PSD3: variants seen among roughly 807,000 people sequenced by gnomAD.
The protein encoded by PSD3 is PH and SEC7 domain-containing protein 3.
PSD3 carries 49 observed loss-of-function variants against 105.5 expected under a neutral mutation model. The observed-to-expected ratio is 0.46, with a 90% CI of 0.37 to 0.59. PSD3 has a LOEUF of 0.59. Ranked by LOEUF, PSD3 falls within the 20% of genes least tolerant of loss-of-function variation. PSD3 has a pLI of 0.00. For synonymous variants in PSD3, 557 were observed against 457.8 expected, an observed-to-expected ratio of 1.22 and a Z score of -2.77; for missense variants, 1,561 against 1,263.8, an observed-to-expected ratio of 1.24 and a Z score of -3.57.
intron 4 of PSD3, among the ~76,000 whole-genome samples, chr8:18,805,719 T>C (rs1586069896): frequency 6.6e-6 from 1 of 152,294 alleles, no homozygotes; most frequent in South Asian, 2.1e-4. Flanking sequence ...TATATAACCT[T>C]AAAAAAATCA....
intron 11 of PSD3, among the ~76,000 whole-genome samples, chr8:18,604,809 C>A (rs1804697328): frequency 6.6e-6 from 1 of 152,182 alleles, no homozygotes; most frequent in Admixed American, 6.5e-5. Context: ...TCAAAGGGGC[C>A]TGGGTACAGC....
rs181167350 is a variant in PSD3 at position 18,529,869 on chromosome 8, C to G, written c.*5874G>C. On this transcript the variant is annotated 3_prime_UTR_variant, in exon 16 of 16. Transcript: ENST00000327040. ...AATAATTCTTAGAAGGAAATACTCT[C>G]GCAAAACTAAGACCCTGCCAATCAT... 6.6e-6 allele frequency: 1 copy of G among 152,448 alleles called. No individual in the cohort carries two copies. Among genetic ancestry groups the G allele is most frequent in the Non-Finnish European group, 1.5e-5 (1 of 68,046 alleles). 9.4% of individuals were successfully genotyped at this position (152,448 alleles called of 1,614,324 possible).
intron 1 of PSD3, among the ~76,000 whole-genome samples, chr8:18,952,019 T>C (rs73584647): frequency 0.2 from 30,293 of 152,076 alleles, 3,295 homozygotes; most frequent in African/African-American, 0.29. Context: ...GAAATGTTCC[T>C]TGCTACATAA....
intron 9 of PSD3, among the ~76,000 whole-genome samples, chr8:18,731,482 G>A (rs1397319818): frequency 6.6e-6 from 1 of 152,128 alleles, no homozygotes; most frequent in African/African-American, 2.4e-5. Flanking sequence ...TTACTGCCCT[G>A]TATCAAACAT....
intron 2 of PSD3, among the ~76,000 whole-genome samples, chr8:18,887,865 G>A (rs6993158): frequency 0.046 from 7,013 of 152,210 alleles, 198 homozygotes; most frequent in Middle Eastern, 0.085. Context: ...TATGTGCCAG[G>A]CACTATACTA....
chr8:18,863,450 T>A (rs769851143), intron 4 of PSD3, among the ~76,000 whole-genome samples: 2 of 152,160 alleles, frequency 1.3e-5, no homozygotes, highest in South Asian at 4.1e-4. Context: ...GGGGAGGGGA[T>A]GCTCCTCTTT....
intron 2 of PSD3, among the ~76,000 whole-genome samples, chr8:18,921,186 G>C (rs1346968241): frequency 2.6e-5 from 4 of 152,118 alleles, no homozygotes; most frequent in African/African-American, 9.7e-5. Flanking sequence ...CTCACTATTA[G>C]TATTCAATTG....
rs777942368 is a variant in PSD3, at chr8:18,535,964, G to A, written c.2929-6C>T. 6.2e-7 allele frequency: 1 copy of A among 1,612,616 alleles called. No individual in the cohort carries two copies. Among genetic ancestry groups the A allele is most frequent in the South Asian group, 1.1e-5 (1 of 91,062 alleles). The stretch of plus-strand genomic sequence containing the variant: ...TACATTTCATAGCGGGTTTTCTGAA[G>A]GCAAAGCCAGAGAACAACGGTAGTC... On this transcript the variant is annotated splice_polypyrimidine_tract_variant and splice_region_variant and intron_variant, in intron 15 of 15. Transcript: ENST00000327040.
intron 2 of PSD3, among the ~76,000 whole-genome samples, chr8:18,899,913 T>C (rs1236518666): frequency 6.6e-6 from 1 of 152,128 alleles, no homozygotes; most frequent in Non-Finnish European, 1.5e-5. Flanking sequence ...AGTTGGCCTA[T>C]CCCTTCCTGC....
chr8:18,926,871 C>T (rs1046438753), intron 2 of PSD3, among the ~76,000 whole-genome samples: 18 of 152,108 alleles, frequency 1.2e-4, no homozygotes, highest in Admixed American at 3.9e-4. Flanking sequence ...TACCCCACCC[C>T]TAACCCCATG....
intron 12 of PSD3, among the ~76,000 whole-genome samples, chr8:18,594,409 TATAA>T (rs1358080507): frequency 1.7e-5 from 2 of 120,826 alleles, no homozygotes. Context: ...TTATATAATA[TATAA>T]ATAATATACA....
intron 1 of PSD3, among the ~76,000 whole-genome samples, chr8:18,975,334 T>G (rs34087330): frequency 0.064 from 7,689 of 119,978 alleles, 196 homozygotes; most frequent in Middle Eastern, 0.11. Flanking sequence ...TTTTTTTTTT[T>G]GCCAATATGT....
At chr8:19,049,546 C>A (rs1342285767) in intron 1 of PSD3, among the ~76,000 whole-genome samples, 1 of 151,932 alleles carries the variant, frequency 6.6e-6, no homozygotes, top group African/African-American at 2.4e-5. Context: ...AAAAAATTAG[C>A]CAGACATAGT....
At chr8:18,634,503 T>C (rs903514180) in intron 10 of PSD3, among the ~76,000 whole-genome samples, 1 of 151,876 alleles carries the variant, frequency 6.6e-6, no homozygotes, top group Non-Finnish European at 1.5e-5. Flanking sequence ...TCGGCTTCAT[T>C]TGGATTTCAC....
chr8:18,753,111 C>T (rs974572084), intron 9 of PSD3, among the ~76,000 whole-genome samples: 3 of 152,040 alleles, frequency 2.0e-5, no homozygotes, highest in East Asian at 1.9e-4. Context: ...AATCCCAGCA[C>T]TCTGGGAAGC....
intron 1 of PSD3, among the ~76,000 whole-genome samples, chr8:19,061,053 C>T (rs1563537779): frequency 6.6e-6 from 1 of 152,198 alleles, no homozygotes; most frequent in Non-Finnish European, 1.5e-5. Flanking sequence ...CCTTGGCATG[C>T]TCCATGGGCA....
At chr8:18,943,912 GT>G (rs1253808932) in intron 1 of PSD3, among the ~76,000 whole-genome samples, 1 of 151,740 alleles carries the variant, frequency 6.6e-6, no homozygotes, top group African/African-American at 2.4e-5. Context: ...GACCGGAAGA[GT>G]TTTCACTGAG....
intron 8 of PSD3, among the ~76,000 whole-genome samples, chr8:18,798,274 A>G (rs1810366311): frequency 6.6e-6 from 1 of 152,108 alleles, no homozygotes; most frequent in Non-Finnish European, 1.5e-5. Context: ...GTGATTCTAA[A>G]TTCACCTCTT....
chr8:19,035,630 C>A (rs1014444795), intron 1 of PSD3, among the ~76,000 whole-genome samples: 2 of 152,100 alleles, frequency 1.3e-5, no homozygotes, highest in African/African-American at 2.4e-5. Flanking sequence ...AATCCTACAA[C>A]CTCAGCCTCC....
Sources: allele counts gnomAD v4.1 joint callset (sites outside exome capture counted in the v4.1 genomes callset), GRCh38; gene constraint gnomAD v4.1.1; transcripts MANE v1.5; gene names NCBI Gene and HGNC (gene_info 2026-07-23, HGNC 2026-07-21).